OPRM1: variants seen among roughly 807,000 people sequenced by gnomAD.
The protein encoded by OPRM1 is opioid receptor mu 1, also known as mu-type opioid receptor.
Under a neutral mutation model 31.8 loss-of-function variants are expected in OPRM1, and 27 were observed. The ratio of observed to expected loss-of-function variants is 0.85; its 90% CI spans 0.63 to 1.17. The LOEUF is 1.17. Among genes scored for constraint, OPRM1 ranks in the 50% most tolerant of loss-of-function variants. OPRM1 has a pLI of 0.00. For missense variants in OPRM1, 536 were observed against 511.1 expected, an observed-to-expected ratio of 1.05 and a Z score of -0.47; for synonymous variants, 196 against 189.9, an observed-to-expected ratio of 1.03 and a Z score of -0.26.
At chr6:154,105,056 G>T (rs1269824780) in intron 3 of OPRM1, among the ~76,000 whole-genome samples, 3 of 152,144 alleles carry the variant, frequency 2.0e-5, no homozygotes, top group African/African-American at 7.2e-5. Flanking sequence ...TTCCTTAAAG[G>T]AAAACACACC....
At chr6:154,149,453 C>T (rs2128540899) in intron 3 of OPRM1, among the ~76,000 whole-genome samples, 1 of 152,104 alleles carries the variant, frequency 6.6e-6, no homozygotes, top group East Asian at 1.9e-4. Flanking sequence ...GACTCAAAGC[C>T]TACCCATATC....
chr6:154,048,829 G>A (rs1781656838), intron 1 of OPRM1, among the ~76,000 whole-genome samples: 1 of 151,852 alleles, frequency 6.6e-6, no homozygotes, highest in African/African-American at 2.4e-5. Flanking sequence ...CTTTAAAAAG[G>A]GAATATATGG....
At chr6:154,191,017 C>T (rs1801833357) in intron 3 of OPRM1, among the ~76,000 whole-genome samples, 1 of 152,056 alleles carries the variant, frequency 6.6e-6, no homozygotes, top group African/African-American at 2.4e-5. Flanking sequence ...GATCGCGCCA[C>T]TGCACTGCAG....
chr6:154,119,156 A>G lies in OPRM1; in HGVS notation c.*435A>G, dbSNP rs1797168362. 1.0e-6 allele frequency: 1 copy of G among 988,768 alleles called. No homozygotes were observed. Among genetic ancestry groups the G allele is most frequent in the Non-Finnish European group, 1.2e-6 (1 of 831,968 alleles). The allele number at this position is 988,768 out of a possible 1,614,324, so 61.2% of individuals were successfully genotyped here. Reference sequence around the variant, plus strand: ...CAAAGCACCTTGAATGGAAGGTCCGAGTCTTTTTAGTGTTTTGCAAGGGAA... The same window carrying G: ...CAAAGCACCTTGAATGGAAGGTCCGGGTCTTTTTAGTGTTTTGCAAGGGAA... On this transcript the variant is annotated 3_prime_UTR_variant, in exon 4 of 4. Transcript: ENST00000330432.
intron 3 of OPRM1, among the ~76,000 whole-genome samples, chr6:154,184,595 T>C (rs1295564148): frequency 6.6e-6 from 1 of 152,112 alleles, no homozygotes; most frequent in Non-Finnish European, 1.5e-5. Context: ...AAATTGTTAA[T>C]AACCAGAATG....
At chr6:154,118,297 C>T (rs1241559917) in intron 3 of OPRM1, among the ~76,000 whole-genome samples, 4 of 152,040 alleles carry the variant, frequency 2.6e-5, no homozygotes, top group African/African-American at 7.2e-5. Context: ...CTGAAAAAAA[C>T]ATCGTTTTTC....
chr6:154,133,917 T>A (rs1381336511), downstream of OPRM1, among the ~76,000 whole-genome samples: 3 of 152,244 alleles, frequency 2.0e-5, no homozygotes, highest in Admixed American at 6.5e-5. Context: ...GGGATTGTGA[T>A]AAAGATAAAC....
At chr6:154,173,415 A>C (rs1800035565) in intron 3 of OPRM1, among the ~76,000 whole-genome samples, 1 of 152,038 alleles carries the variant, frequency 6.6e-6, no homozygotes, top group African/African-American at 2.4e-5. Context: ...GGATGCTAAA[A>C]ACCTTGAAAA....
rs1369925562 is a variant in OPRM1, at chr6:154,106,140, A to G, written c.1165-12543A>G. ...AAATCTTTAGATTTTTTTCTTACTT[A>G]AAACAATCCTTTAACACTTTAAGCA... On this transcript the variant is annotated intron_variant, in intron 3 of 3. Coordinates refer to ENST00000330432, the MANE Select transcript of OPRM1 (RefSeq NM_000914.5). Among the ~76,000 whole-genome samples the G allele has an allele frequency of 1.3e-5, 2 of 152,204 alleles. 1 individual carries two copies. The highest frequency in any genetic ancestry group is 2.9e-5 in the Non-Finnish European group (2 of 68,036).
rs200056849 is a variant in OPRM1, at chr6:154,140,332, A to T, written c.1164+48860A>T. ...AAAGTTTAGCCGTTTATGTTATTTT[A>T]TTTTTTTTTTTTTTTTGAGAAAGAG... On this transcript the variant is annotated intron_variant, in intron 3 of 3. Transcript: ENST00000337049. Among the ~76,000 whole-genome samples the T allele has an allele frequency of 6.1e-3, 790 of 130,146 alleles. 9 individuals carry two copies. Among genetic ancestry groups the T allele is most frequent in the East Asian group, 0.038 (180 of 4,740 alleles). The allele number at this position is 130,146 out of a possible 152,430, so 85.4% of individuals were successfully genotyped here.
chr6:154,180,561 T>C (rs1373296078), intron 3 of OPRM1, among the ~76,000 whole-genome samples: 1 of 152,068 alleles, frequency 6.6e-6, no homozygotes. Context: ...TACCCCAGTC[T>C]ATTGTCTGCT....
intron 1 of OPRM1, among the ~76,000 whole-genome samples, chr6:154,066,453 A>G (rs1163527575): frequency 6.6e-6 from 1 of 151,962 alleles, no homozygotes; most frequent in Admixed American, 6.6e-5. Flanking sequence ...CCTATTATTG[A>G]TAGTTTCTAT....
chr6:154,085,887 C>CTTTTTTTT (rs1562446297), intron 1 of OPRM1, among the ~76,000 whole-genome samples: 32 of 100,946 alleles, frequency 3.2e-4, no homozygotes, highest in African/African-American at 1.4e-3. Flanking sequence ...GAAAGCTTGC[C>CTTTTTTTT]CTTTTTTTTT....
intron 3 of OPRM1, among the ~76,000 whole-genome samples, chr6:154,100,096 T>TTATATATATCA (rs1583542635): frequency 3.0e-5 from 2 of 66,854 alleles, no homozygotes; most frequent in East Asian, 2.3e-3. Flanking sequence ...TATTATCATA[T>TTATATATATCA]TATGATATAT....
chr6:154,213,671 C>G (rs1246108136), intron 3 of OPRM1, among the ~76,000 whole-genome samples: 1 of 152,160 alleles, frequency 6.6e-6, no homozygotes, highest in Non-Finnish European at 1.5e-5. Flanking sequence ...TAAATCCTCC[C>G]TCTTCTCAAC....
At chr6:154,167,943 G>A (rs1398041653) in intron 3 of OPRM1, 3 of 1,596,484 alleles carry the variant, frequency 1.9e-6, no homozygotes, top group Non-Finnish European at 1.7e-6. Flanking sequence ...TTCAATGTTC[G>A]GATTTTGTGG....
At chr6:154,228,165 T>C (rs903446273) in intron 3 of OPRM1, among the ~76,000 whole-genome samples, 2 of 151,990 alleles carry the variant, frequency 1.3e-5, no homozygotes, top group African/African-American at 2.4e-5. Context: ...CCTAACTTTC[T>C]AAAAAGTTTC....
chr6:154,221,582 A>G (rs1297369084), intron 3 of OPRM1, among the ~76,000 whole-genome samples: 1 of 152,210 alleles, frequency 6.6e-6, no homozygotes, highest in African/African-American at 2.4e-5. Flanking sequence ...CATTTAAAAC[A>G]TATAGGTATG....
chr6:154,139,470 C>T lies in OPRM1; in HGVS notation c.1164+47998C>T, dbSNP rs1312379277. 7.5e-4 allele frequency among the ~76,000 whole-genome samples: 114 copies of T among 152,234 alleles called. 1 individual carries two copies. The highest frequency in any genetic ancestry group is 2.0e-3 in the Admixed American group (31 of 15,294). Reference sequence around the variant, plus strand: ...CTTTCAACCTGGAGCACATTATAAACCAGAAAATAAGAAAACCAGAATAAG... The same window carrying T: ...CTTTCAACCTGGAGCACATTATAAATCAGAAAATAAGAAAACCAGAATAAG... On this transcript the variant is annotated intron_variant, in intron 3 of 3. Coordinates refer to the OPRM1 transcript ENST00000337049.
Sources: gnomAD v4.1 joint callset for allele counts (sites outside exome capture counted in the v4.1 genomes callset) on GRCh38, gnomAD v4.1.1 for gene constraint, MANE v1.5 for transcripts, NCBI Gene and HGNC (gene_info 2026-07-23, HGNC 2026-07-21) for gene names.